The following RGS3 variants were observed in gnomAD, a reference collection of about 807,000 sequenced individuals.
The protein encoded by RGS3 is regulator of G protein signaling 3.
In RGS3, 80 loss-of-function variants were observed where a neutral mutation model predicts 132.6. The observed-to-expected ratio is 0.60, with a 90% confidence interval of 0.50 to 0.73. The LOEUF is 0.73. Among genes scored for constraint, RGS3 ranks in the 30% least tolerant of loss-of-function variants. The pLI is 0.00. For missense variants in RGS3, 1,382 were observed against 1,530.8 expected, an observed-to-expected ratio of 0.90 and a Z score of 1.62; for synonymous variants, 598 against 620.6, an observed-to-expected ratio of 0.96 and a Z score of 0.54.
intron 19 of RGS3, among the ~76,000 whole-genome samples, chr9:113,539,593 T>A (rs1239834909): frequency 6.6e-6 from 1 of 152,162 alleles, no homozygotes; most frequent in African/African-American, 2.4e-5. Context: ...CTGTGGATGC[T>A]CCACCTTCTG....
intron 8 of RGS3, among the ~76,000 whole-genome samples, chr9:113,496,583 C>T (rs1470501891): frequency 6.6e-6 from 1 of 151,988 alleles, no homozygotes; most frequent in East Asian, 1.9e-4. Flanking sequence ...CGGAGTCTCA[C>T]TCTGTTGCCC....
intron 21 of RGS3, 46 bp from the exon 20 acceptor site, chr9:113,594,384 C>T (rs745676208): frequency 1.4e-5 from 23 of 1,605,970 alleles, no homozygotes; most frequent in South Asian, 1.2e-4. Context: ...TTTGCAGGGG[C>T]GAGTGGGCCA....
At chr9:113,588,302 G>A (rs1443670937) in intron 20 of RGS3, among the ~76,000 whole-genome samples, 5 of 152,308 alleles carry the variant, frequency 3.3e-5, no homozygotes, top group Non-Finnish European at 7.4e-5. Context: ...GAATTATTTC[G>A]GATGTGTAAA....
At chr9:113,501,374 G>A in intron 10 of RGS3, 1 of 1,347,774 alleles carries the variant, frequency 7.4e-7, no homozygotes, top group Non-Finnish European at 9.7e-7. Context: ...TCATTCTGAG[G>A]TTTCAGGAAG....
At chr9:113,527,482 G>T (rs1832266018) in intron 17 of RGS3, among the ~76,000 whole-genome samples, 1 of 152,176 alleles carries the variant, frequency 6.6e-6, no homozygotes. Context: ...CAGAAGCTTT[G>T]AAATTACAGT....
intron 14 of RGS3, 31 bp from the exon 13 acceptor site, chr9:113,514,427 T>C (rs1173744029): frequency 6.3e-7 from 1 of 1,592,732 alleles, no homozygotes; most frequent in South Asian, 1.1e-5. Flanking sequence ...GTGACGGAAA[T>C]GTCTCATAGT....
chr9:113,444,985 G>A (rs2119129949), intron 1 of RGS3: 1 of 152,282 alleles, frequency 6.6e-6, no homozygotes, highest in Non-Finnish European at 1.5e-5. Context: ...CAGAAGTAAG[G>A]CTTAATTAAT....
chr9:113,591,337 G>A lies in RGS3; in HGVS notation c.3020G>A (p.Ser1007Asn), dbSNP rs1439520381. 1 of 1,613,576 alleles carries A rather than the reference G, an allele frequency of 6.2e-7. No individual in the cohort carries two copies. Among genetic ancestry groups the A allele is most frequent in the Non-Finnish European group, 8.5e-7 (1 of 1,179,902 alleles). Residue 1007 changes from serine (S) to asparagine (N), a missense_variant, in exon 21 of 25, where the codon AGC becomes AAC. By Grantham distance (46) the Ser-to-Asn change is conservative. Coordinates refer to ENST00000350696, the Ensembl canonical transcript of RGS3. The surrounding 1 kb of genome is among the most constrained non-coding windows in gnomAD (Gnocchi z 4.4). ...GTGTCTGTCTTCTCTCCGCAGATGA[G>A]CGGGGCTGACACCGTTGGGGATGAT...
At chr9:113,584,285 C>T in exon 20 of RGS3, 1 of 1,611,248 alleles carries the variant, frequency 6.2e-7, no homozygotes, top group East Asian at 2.2e-5. Context: ...TGCTTTGCCT[C>T]CGACACCACC....
rs761618375 is a variant in RGS3, at chr9:113,514,648, T to C, written c.1668T>C (p.Phe556=). 5.0e-5 allele frequency: 80 copies of C among 1,613,366 alleles called. No homozygotes were observed. In the East Asian group the frequency reaches 1.4e-3, roughly 28 times the overall value. ...CCAAAGTCCTGGTGTTCCCTGTCTT[T>C]GTTCAGGTGAGCCCGTGGCTGGTCT... Residue 556 remains phenylalanine, a synonymous_variant, in exon 15 of 25, where the codon TTT becomes TTC. Transcript: ENST00000350696.
chr9:113,535,860 G>A (rs1228083131), intron 18 of RGS3, among the ~76,000 whole-genome samples: 1 of 152,156 alleles, frequency 6.6e-6, no homozygotes, highest in East Asian at 1.9e-4. Flanking sequence ...CCGGTTGTGG[G>A]TGGCAACCCT....
At chr9:113,550,503 A>G (rs1833297166) in intron 19 of RGS3, among the ~76,000 whole-genome samples, 1 of 152,228 alleles carries the variant, frequency 6.6e-6, no homozygotes. Flanking sequence ...TACCCTGCAG[A>G]ATGGTTGTAC....
intron 20 of RGS3, chr9:113,589,282 C>G (rs993485841): frequency 6.6e-6 from 1 of 152,248 alleles, no homozygotes; most frequent in African/African-American, 2.4e-5. Context: ...AGGCCAAAGC[C>G]TCCCTGCAGC....
intron 14 of RGS3, among the ~76,000 whole-genome samples, chr9:113,514,069 C>T (rs1396957547): frequency 6.6e-6 from 1 of 152,136 alleles, no homozygotes; most frequent in East Asian, 1.9e-4. Context: ...ACTGTGGGCT[C>T]AGTGAGGACA....
chr9:113,570,041 T>C (rs1834217292), intron 19 of RGS3: 1 of 152,216 alleles, frequency 6.6e-6, no homozygotes, highest in Non-Finnish European at 1.5e-5. Context: ...TATAGGAATA[T>C]GGGCTCTGGA....
chr9:113,485,529 C>T, intron 6 of RGS3, 96 bp from the exon 5 acceptor site: 1 of 865,018 alleles, frequency 1.2e-6, no homozygotes, highest in Non-Finnish European at 1.9e-6. Flanking sequence ...GTTGACGTTA[C>T]TTCCACATTT....
At chr9:113,462,059 C>A in exon 3 of RGS3, 1 of 1,614,120 alleles carries the variant, frequency 6.2e-7, no homozygotes, top group East Asian at 2.2e-5. Flanking sequence ...TCTCTACATC[C>A]TGTGGCTTGA....
intron 18 of RGS3, among the ~76,000 whole-genome samples, chr9:113,533,192 C>T (rs1220277421): frequency 6.6e-6 from 1 of 151,904 alleles, no homozygotes; most frequent in Non-Finnish European, 1.5e-5. Flanking sequence ...CTCTTCACTG[C>T]ATTGCCAAGA....
At chr9:113,448,453 T>G (rs964692739) in intron 1 of RGS3, among the ~76,000 whole-genome samples, 4 of 152,208 alleles carry the variant, frequency 2.6e-5, no homozygotes, top group Non-Finnish European at 4.4e-5. Context: ...TTTCTTCGAC[T>G]TCTTCTTCCC....
Sources: gnomAD v4.1 joint callset for allele counts (sites outside exome capture counted in the v4.1 genomes callset) on GRCh38, gnomAD v4.1.1 for gene constraint, Gnocchi (gnomAD v3.1) non-coding constraint, MANE v1.5 for transcripts, NCBI Gene and HGNC (gene_info 2026-07-23, HGNC 2026-07-21) for gene names.